Variants in MCCC1 observed in about 807,000 individuals in gnomAD.
MCCC1 encodes the protein methylcrotonyl-CoA carboxylase subunit 1.
MCCC1 carries 64 observed loss-of-function variants against 83.8 expected under a neutral mutation model. The observed-to-expected ratio is 0.76, with a 90% CI of 0.62 to 0.94. MCCC1 has a LOEUF of 0.94. MCCC1 is among the 40% of genes least tolerant of loss of function. The pLI, the probability that MCCC1 is intolerant of heterozygous loss-of-function variation, is 0.00. For missense variants in MCCC1, 807 were observed against 904.7 expected (o/e 0.89, Z 1.39); for synonymous variants, 322 against 315.4 (o/e 1.02, Z -0.22).
intron 9 of MCCC1, among the ~76,000 whole-genome samples, chr3:183,048,409 T>C (rs936127723): frequency 2.0e-5 from 3 of 152,154 alleles, no homozygotes; most frequent in Admixed American, 6.5e-5. Context: ...TAAAGACTTA[T>C]AGACTTAAAG....
intron 16 of MCCC1, among the ~76,000 whole-genome samples, chr3:183,020,502 C>T (rs774852430): frequency 3.9e-5 from 6 of 152,010 alleles, no homozygotes; most frequent in Non-Finnish European, 5.9e-5. Context: ...TGTAGTGGTA[C>T]GCGCCTATAG....
chr3:183,102,757 AGTTTTTTTTTTTTTTTTT>A, upstream of MCCC1, among the ~76,000 whole-genome samples: 1 of 96,454 alleles, frequency 1.0e-5, no homozygotes, highest in Non-Finnish European at 2.1e-5. Context: ...GAGCAGAGAA[AGTTTTTTTTTTTTTTTTT>A]TTTTTTTTTT....
rs1711542392 is a variant in MCCC1 at position 183,015,507 on chromosome 3, A to C, written c.2109T>G (p.Ala703=). ...CTAAAGGAGTGTGTCTGTTGGCCTG[A>C]GCACCTTCTCTGTAGAACACTTTCT... ...TVKKVFYREG[A]QANRHTPLVE... is the part of the protein sequence containing the mutation. The change falls in exon 19 of 19, where the codon GCT becomes GCG. Residue 703 remains alanine (A), a synonymous_variant. Transcript: ENST00000265594. The C allele has an allele frequency of 1.2e-6, 2 of 1,613,958 alleles. No individual in the cohort carries two copies. Among genetic ancestry groups the C allele is most frequent in the African/African-American group, 2.7e-5 (2 of 74,906 alleles).
chr3:183,105,571 G>A (rs1036662261), intron 1 of MCCC1, among the ~76,000 whole-genome samples: 22 of 152,166 alleles, frequency 1.4e-4, no homozygotes, highest in African/African-American at 5.1e-4. Flanking sequence ...TTGGCTTGAG[G>A]ACAGAGATGA....
At chr3:183,019,593 A>T (rs551229026) in intron 17 of MCCC1, among the ~76,000 whole-genome samples, 17 of 152,294 alleles carry the variant, frequency 1.1e-4, no homozygotes, top group Admixed American at 9.8e-4. Flanking sequence ...TGAGAAATAA[A>T]TTTCTATTGT....
chr3:183,094,692 T>G, intron 1 of MCCC1, 87 bp from the exon 2 acceptor site: 1 of 1,391,026 alleles, frequency 7.2e-7, no homozygotes, highest in Non-Finnish European at 1.0e-6. Flanking sequence ...TCTTAAAACA[T>G]GAAACCTTAA....
At chr3:183,108,201 G>C in intron 1 of MCCC1, among the ~76,000 whole-genome samples, 1 of 152,342 alleles carries the variant, frequency 6.6e-6, no homozygotes, top group South Asian at 2.1e-4. Flanking sequence ...ACACATGGCT[G>C]TGGGTTGTTG....
intron 2 of MCCC1, among the ~76,000 whole-genome samples, chr3:183,093,020 A>G (rs933489094): frequency 3.3e-5 from 5 of 152,072 alleles, no homozygotes; most frequent in Non-Finnish European, 7.4e-5. Context: ...CAGCCTCCTG[A>G]GTAGCTGAAA....
chr3:183,063,933 T>C (rs945565316), intron 7 of MCCC1, among the ~76,000 whole-genome samples: 1 of 152,108 alleles, frequency 6.6e-6, no homozygotes, highest in Non-Finnish European at 1.5e-5. Context: ...CAGGCCCAAC[T>C]TGGTGGAGTT....
Position 183,015,911 on chromosome 3 carries a change from G to GTT in MCCC1, c.2050-347_2050-346dup, listed in dbSNP as rs549666072. ...AACAGTTTTTTGTTTGCTTGCTTTT[G>GTT]TTTTTTTTTTTTTGTTTTTTGTTGT... On this transcript the variant is annotated intron_variant, in intron 18 of 18. Coordinates refer to ENST00000265594, the MANE Select transcript of MCCC1 (RefSeq NM_020166.5). 1.7e-3 allele frequency among the ~76,000 whole-genome samples: 229 copies of GTT among 135,490 alleles called. 2 individuals carry two copies. Among genetic ancestry groups the GTT allele is most frequent in the African/African-American group, 5.0e-3 (191 of 37,898 alleles). The allele number at this position is 135,490 out of a possible 152,430, so 88.9% of individuals were successfully genotyped here. A position where few individuals can be genotyped will look rare whatever the true frequency, so the allele number is the denominator to read the frequency against.
chr3:183,105,333 A>C (rs1203043346), intron 1 of MCCC1, among the ~76,000 whole-genome samples: 1 of 152,204 alleles, frequency 6.6e-6, no homozygotes, highest in Non-Finnish European at 1.5e-5. Flanking sequence ...AGCAAGAGCA[A>C]AACTCTGTCT....
rs192366023 is a variant in MCCC1 at position 183,049,549 on chromosome 3, C to T, written c.955+2610G>A. On this transcript the variant is annotated intron_variant, in intron 9 of 18. Coordinates refer to ENST00000265594, the MANE Select transcript of MCCC1 (RefSeq NM_020166.5). ...ATCTCACCATTGCACTCCAGCCTGG[C>T]GACAGAATGAGACTTTGTTTCAAAA... Among the ~76,000 whole-genome samples, 8 of 142,872 alleles carry T rather than the reference C, an allele frequency of 5.6e-5. No individual in the cohort carries two copies. In the East Asian group the frequency reaches 6.1e-4, roughly 11 times the overall value. The allele number at this position is 142,872 out of a possible 152,430, so 93.7% of individuals were successfully genotyped here. A position where few individuals can be genotyped will look rare whatever the true frequency, so the allele number is the denominator to read the frequency against.
chr3:183,083,951 T>C (rs1717702960), intron 4 of MCCC1, among the ~76,000 whole-genome samples: 1 of 152,272 alleles, frequency 6.6e-6, no homozygotes, highest in South Asian at 2.1e-4. Context: ...TACTCTTGTT[T>C]AATCCTTTCT....
At chr3:183,052,410 C>T (rs1432689839) in intron 8 of MCCC1, among the ~76,000 whole-genome samples, 170 bp from the exon 9 acceptor site, 1 of 152,192 alleles carries the variant, frequency 6.6e-6, no homozygotes, top group African/African-American at 2.4e-5. Flanking sequence ...ATCCCTATCA[C>T]CTAGTGACAC....
chr3:183,104,581 GA>G (rs1163135656), intron 1 of MCCC1, among the ~76,000 whole-genome samples: 1 of 152,170 alleles, frequency 6.6e-6, no homozygotes, highest in African/African-American at 2.4e-5. Flanking sequence ...TCTTATCACA[GA>G]TGAAGGGCTA....
At chr3:183,071,503 AAT>A (rs1716687157) in intron 5 of MCCC1, 146 bp from the exon 6 acceptor site, 1 of 1,208,314 alleles carries the variant, frequency 8.3e-7, no homozygotes, top group South Asian at 1.3e-5. Flanking sequence ...ATACAAATTT[AAT>A]ATGTCTATTA....
upstream of MCCC1, among the ~76,000 whole-genome samples, chr3:183,103,308 C>G (rs962749955): frequency 6.6e-6 from 1 of 152,110 alleles, no homozygotes; most frequent in East Asian, 1.9e-4. Context: ...ACTACTCGCT[C>G]TGGGCAGCCT....
intron 7 of MCCC1, among the ~76,000 whole-genome samples, chr3:183,065,641 T>G (rs1003079202): frequency 2.4e-4 from 36 of 151,752 alleles, no homozygotes; most frequent in Admixed American, 9.2e-4. Context: ...GGATTTTTTT[T>G]GTCTAGATTA....
chr3:183,042,826 T>G (rs780083378), intron 10 of MCCC1, among the ~76,000 whole-genome samples: 9 of 151,824 alleles, frequency 5.9e-5, no homozygotes, highest in Non-Finnish European at 1.0e-4. Flanking sequence ...TTACCTATTA[T>G]CATTCCATCC....
Sources: allele counts gnomAD v4.1 joint callset (sites outside exome capture counted in the v4.1 genomes callset), GRCh38; gene constraint gnomAD v4.1.1; transcripts MANE v1.5; gene names NCBI Gene and HGNC (gene_info 2026-07-23, HGNC 2026-07-21).